The following MYO16 variants were observed in gnomAD, a reference collection of about 807,000 sequenced individuals.
The protein encoded by MYO16 is unconventional myosin-XVI.
MYO16 carries 94 observed loss-of-function variants against 205.3 expected under a neutral mutation model. The observed-to-expected ratio is 0.46, with a 90% CI of 0.39 to 0.54. The LOEUF (loss-of-function observed/expected upper bound fraction) is 0.54, where lower values mean the gene tolerates loss of function less well. Ranked by LOEUF, MYO16 falls within the 20% of genes least tolerant of loss-of-function variation. MYO16 has a pLI of 0.00. For synonymous variants in MYO16, 988 were observed against 954.0 expected, an observed-to-expected ratio of 1.04 and a Z score of -0.66; for missense variants, 2,315 against 2,387.5, an observed-to-expected ratio of 0.97 and a Z score of 0.63.
intron 27 of MYO16, among the ~76,000 whole-genome samples, chr13:109,068,133 A>T (rs1887812457): frequency 6.6e-6 from 1 of 151,702 alleles, no homozygotes; most frequent in African/African-American, 2.4e-5. Flanking sequence ...TATACTTTTA[A>T]TACAATTGTG....
rs1887621672 is a variant in MYO16 at position 109,062,444 on chromosome 13, T to G, written c.3335+6849T>G. On this transcript the variant is annotated intron_variant, in intron 27 of 34. Coordinates refer to ENST00000457511, the MANE Select transcript of MYO16 (RefSeq NM_001198950.3). The stretch of plus-strand genomic sequence containing the variant: ...AGTGAGTAAAAAGGAATAGTGAGGA[T>G]GAGAAATGGTACTTTTAGGTAATTC... Among the ~76,000 whole-genome samples the G allele has an allele frequency of 2.0e-5, 3 of 152,322 alleles. No homozygotes were observed. The East Asian group carries it at 5.8e-4, about 29-fold the overall frequency.
At chr13:108,701,406 C>T (rs773026536) in intron 2 of MYO16, among the ~76,000 whole-genome samples, 5 of 152,160 alleles carry the variant, frequency 3.3e-5, no homozygotes, top group South Asian at 4.2e-4. Flanking sequence ...GGTTTGTTAT[C>T]GTGGGAGTGG....
intron 34 of MYO16, among the ~76,000 whole-genome samples, chr13:109,179,834 G>A (rs1028724): frequency 0.56 from 85,129 of 151,832 alleles, 25,724 homozygotes; most frequent in African/African-American, 0.79. Flanking sequence ...TCCAAAATAA[G>A]GAATAATGTC....
chr13:108,743,110 CAA>C (rs1216577118), intron 4 of MYO16, among the ~76,000 whole-genome samples: 1 of 152,076 alleles, frequency 6.6e-6, no homozygotes, highest in Non-Finnish European at 1.5e-5. Context: ...CCATAAGAAA[CAA>C]AATACTTTTA....
At chr13:108,791,971 G>A (rs540982122) in intron 5 of MYO16, among the ~76,000 whole-genome samples, 1 of 152,358 alleles carries the variant, frequency 6.6e-6, no homozygotes, top group African/African-American at 2.4e-5. Context: ...GCTCAGAAGA[G>A]TGGCTGGTTC....
At chr13:108,696,702 T>C (rs1486451164) in intron 2 of MYO16, among the ~76,000 whole-genome samples, 2 of 152,204 alleles carry the variant, frequency 1.3e-5, no homozygotes, top group African/African-American at 2.4e-5. Flanking sequence ...ATTAGATGCA[T>C]ATTAAGATTC....
rs549587428 is a variant in MYO16 at position 109,005,436 on chromosome 13, A to C, written c.2443-3461A>C. On this transcript the variant is annotated intron_variant, in intron 21 of 34. Coordinates refer to ENST00000457511, the MANE Select transcript of MYO16 (RefSeq NM_001198950.3). ...TAAGAATTATTTTTGTTACTATTTG[A>C]ATGTCAATATGTGATATTCAGATCT... Among the ~76,000 whole-genome samples the C allele has an allele frequency of 7.9e-5, 12 of 152,242 alleles. No individual in the cohort carries two copies. In the South Asian group the frequency reaches 2.3e-3, roughly 29 times the overall value.
chr13:109,117,282 T>C (rs1482130972), intron 28 of MYO16, among the ~76,000 whole-genome samples: 1 of 151,856 alleles, frequency 6.6e-6, no homozygotes, highest in African/African-American at 2.4e-5. Context: ...CTAATCTGAA[T>C]TCATCCTGCC....
At position 109,040,385 on chromosome 13, in the gene MYO16, C is replaced by CAGAGAGAGAGAGAGAGAGAGAGAGAG. The variant is rs146955371; in HGVS notation, c.2797-6525_2797-6500dup. The stretch of plus-strand genomic sequence containing the variant: ...ATACACACACACACACACACACACA[C>CAGAGAGAGAGAGAGAGAGAGAGAGAG]AGAGAGAGAGAGAGAGAGAGAGAGA... On this transcript the variant is annotated intron_variant, in intron 23 of 34. Coordinates refer to ENST00000457511, the MANE Select transcript of MYO16 (RefSeq NM_001198950.3). Among the ~76,000 whole-genome samples the CAGAGAGAGAGAGAGAGAGAGAGAGAG allele has an allele frequency of 8.1e-4, 92 of 113,246 alleles. 2 individuals are homozygous for CAGAGAGAGAGAGAGAGAGAGAGAGAG. The highest frequency in any genetic ancestry group is 3.3e-3 in the East Asian group (6 of 1,814). The allele number at this position is 113,246 out of a possible 152,430, so 74.3% of individuals were successfully genotyped here.
chr13:108,743,679 C>A (rs899133636), intron 4 of MYO16, among the ~76,000 whole-genome samples: 1 of 152,294 alleles, frequency 6.6e-6, no homozygotes, highest in East Asian at 1.9e-4. Flanking sequence ...TTTGCCTGTA[C>A]GGTGGAGTGT....
intron 11 of MYO16, among the ~76,000 whole-genome samples, chr13:108,859,021 G>A (rs1348733561): frequency 6.6e-6 from 1 of 152,074 alleles, no homozygotes; most frequent in African/African-American, 2.4e-5. Context: ...CATTGCTTCT[G>A]GAGGCCAGCC....
intron 10 of MYO16, among the ~76,000 whole-genome samples, chr13:108,850,317 A>G (rs9301328): frequency 0.63 from 95,744 of 152,052 alleles, 30,719 homozygotes; most frequent in Middle Eastern, 0.68. Flanking sequence ...AGCCCATGGT[A>G]CTCAAAACAG....
intron 24 of MYO16, among the ~76,000 whole-genome samples, chr13:109,049,972 G>GTA (rs1555327555): frequency 0.14 from 18,181 of 131,304 alleles, 2,204 homozygotes; most frequent in East Asian, 0.19. Context: ...GTGTGTGTGT[G>GTA]TGTGTTTACT....
chr13:109,168,610 G>A (rs1014721870), intron 33 of MYO16, among the ~76,000 whole-genome samples: 1 of 151,974 alleles, frequency 6.6e-6, no homozygotes, highest in African/African-American at 2.4e-5. Flanking sequence ...CTTTAATCCC[G>A]GCGACTCGGA....
intron 34 of MYO16, among the ~76,000 whole-genome samples, chr13:109,189,411 G>A (rs1879819531): frequency 6.6e-6 from 1 of 152,176 alleles, no homozygotes; most frequent in Non-Finnish European, 1.5e-5. Context: ...TTTTCTGATT[G>A]TCCCTGCTGT....
chr13:108,748,799 A>T (rs1303025286), intron 4 of MYO16, among the ~76,000 whole-genome samples: 2 of 152,190 alleles, frequency 1.3e-5, no homozygotes, highest in African/African-American at 4.8e-5. Flanking sequence ...CTGGAAACAC[A>T]TCTTAAACCT....
intron 4 of MYO16, among the ~76,000 whole-genome samples, chr13:108,730,527 T>C (rs911870967): frequency 6.6e-6 from 1 of 152,084 alleles, no homozygotes; most frequent in Non-Finnish European, 1.5e-5. Flanking sequence ...AGAGCTAGGA[T>C]TGGGGCAGGC....
At chr13:108,943,573 T>C (rs906536462) in intron 16 of MYO16, among the ~76,000 whole-genome samples, 3 of 152,128 alleles carry the variant, frequency 2.0e-5, no homozygotes, top group Non-Finnish European at 2.9e-5. Context: ...TTCTCCTGCC[T>C]CCCAAGTCGC....
intron 16 of MYO16, among the ~76,000 whole-genome samples, chr13:108,929,744 G>A (rs1006943731): frequency 2.0e-5 from 3 of 152,036 alleles, no homozygotes; most frequent in Non-Finnish European, 4.4e-5. Context: ...ACCTCACATG[G>A]CAGCTGCCCA....
Sources: allele counts gnomAD v4.1 joint callset (sites outside exome capture counted in the v4.1 genomes callset), GRCh38; gene constraint gnomAD v4.1.1; transcripts MANE v1.5; gene names NCBI Gene and HGNC (gene_info 2026-07-23, HGNC 2026-07-21).